Variants in INTS4 observed in about 807,000 individuals in gnomAD.
INTS4 encodes integrator complex subunit 4, also known as MSTP093.
A neutral mutation model predicts 119.5 loss-of-function variants in INTS4; 70 were observed. The observed-to-expected ratio is 0.59, with a 90% CI of 0.48 to 0.71. The LOEUF is 0.71. Ranked by LOEUF, INTS4 falls within the 30% of genes least tolerant of loss-of-function variation. The pLI is 0.00. For missense variants in INTS4, 867 were observed against 1,173.2 expected, an observed-to-expected ratio of 0.74 and a Z score of 3.81; for synonymous variants, 316 against 419.6, an observed-to-expected ratio of 0.75 and a Z score of 3.02.
chr11:77,907,577 A>G, intron 16 of INTS4, 140 bp downstream of exon 16: 1 of 573,440 alleles, frequency 1.7e-6, no homozygotes, highest in Non-Finnish European at 3.1e-6. Context: ...ATGTAATCAC[A>G]CTGCAGAGTA....
chr11:77,896,842 T>C (rs1952546119), intron 18 of INTS4, among the ~76,000 whole-genome samples: 1 of 148,476 alleles, frequency 6.7e-6, no homozygotes, highest in South Asian at 2.1e-4. Context: ...AAACAGCTGA[T>C]ACTTCAAACT....
intron 10 of INTS4, among the ~76,000 whole-genome samples, chr11:77,933,066 C>T (rs1409876021): frequency 6.6e-6 from 1 of 151,940 alleles, no homozygotes; most frequent in Non-Finnish European, 1.5e-5. Context: ...ATGTAACAAA[C>T]CTGCACGTTC....
chr11:77,945,656 A>G (rs1954031186), intron 8 of INTS4, among the ~76,000 whole-genome samples: 1 of 152,174 alleles, frequency 6.6e-6, no homozygotes, highest in African/African-American at 2.4e-5. Flanking sequence ...CCCCTGTTCC[A>G]TACAACCATC....
chr11:77,987,718 G>GA (rs1856511916), intron 2 of INTS4: 1 of 436,892 alleles, frequency 2.3e-6, no homozygotes, highest in Non-Finnish European at 4.6e-6. Context: ...AAATTAAAAA[G>GA]AAAAAATTAG....
At chr11:77,943,531 T>G (rs192996670) in intron 8 of INTS4, among the ~76,000 whole-genome samples, 2 of 152,220 alleles carry the variant, frequency 1.3e-5, no homozygotes, top group East Asian at 1.9e-4. Flanking sequence ...TACGAAAACA[T>G]AGAGAAACAG....
At chr11:77,883,593 C>T (rs1951876059) in intron 22 of INTS4, among the ~76,000 whole-genome samples, 2 of 152,178 alleles carry the variant, frequency 1.3e-5, no homozygotes, top group South Asian at 2.1e-4. Flanking sequence ...CTATCATAAT[C>T]GCCTGTATAT....
intron 2 of INTS4, among the ~76,000 whole-genome samples, chr11:77,987,982 C>T (rs930109680): frequency 6.6e-6 from 1 of 152,160 alleles, no homozygotes; most frequent in Non-Finnish European, 1.5e-5. Context: ...ATGGTGAAAC[C>T]TCATCTCTAT....
intron 18 of INTS4, among the ~76,000 whole-genome samples, chr11:77,897,420 GAT>G (rs1565230284): frequency 6.6e-6 from 1 of 151,136 alleles, no homozygotes; most frequent in Non-Finnish European, 1.5e-5. Flanking sequence ...AACTTTAAAA[GAT>G]TATATTTATA....
intron 8 of INTS4, among the ~76,000 whole-genome samples, chr11:77,948,691 AAGAAGG>A (rs1460351785): frequency 7.0e-5 from 10 of 143,552 alleles, no homozygotes; most frequent in African/African-American, 1.3e-4. Flanking sequence ...GAAGAAGAAG[AAGAAGG>A]AAAAAATCTT....
At chr11:77,973,577 A>G (rs11237340) in intron 4 of INTS4, among the ~76,000 whole-genome samples, 113,398 of 151,850 alleles carry the variant, frequency 0.75, 42,897 homozygotes, top group African/African-American at 0.86. Flanking sequence ...TTCCATTTAC[A>G]AGGGTCAGGA....
At chr11:77,975,286 A>G (rs1482806958) in intron 4 of INTS4, among the ~76,000 whole-genome samples, 1 of 151,846 alleles carries the variant, frequency 6.6e-6, no homozygotes, top group East Asian at 1.9e-4. Flanking sequence ...TATTTTATTC[A>G]TCTCAAAGTA....
At chr11:77,949,349 G>A (rs1418240603) in intron 8 of INTS4, among the ~76,000 whole-genome samples, 19 of 152,040 alleles carry the variant, frequency 1.2e-4, no homozygotes, top group Middle Eastern at 6.8e-3. Flanking sequence ...CAATGGCAAC[G>A]AAGCCAAAAT....
chr11:77,876,045 C>T (rs1303661506), downstream of INTS4, among the ~76,000 whole-genome samples: 1 of 152,054 alleles, frequency 6.6e-6, no homozygotes, highest in Non-Finnish European at 1.5e-5. Flanking sequence ...CAGATCAGCT[C>T]ATCACTTAAG....
At chr11:77,949,059 T>C (rs1432593106) in intron 8 of INTS4, among the ~76,000 whole-genome samples, 3 of 152,224 alleles carry the variant, frequency 2.0e-5, no homozygotes, top group East Asian at 1.9e-4. Flanking sequence ...CTGTGAGCTA[T>C]GACTGTGCAA....
At chr11:77,950,838 C>T (rs1954173386) in intron 8 of INTS4, among the ~76,000 whole-genome samples, 1 of 151,958 alleles carries the variant, frequency 6.6e-6, no homozygotes, top group African/African-American at 2.4e-5. Context: ...GGTCATTTAA[C>T]ATTAGGTATA....
intron 18 of INTS4, among the ~76,000 whole-genome samples, chr11:77,898,995 G>A (rs755995515): frequency 5.3e-5 from 8 of 152,138 alleles, no homozygotes; most frequent in Non-Finnish European, 1.2e-4. Context: ...ACTCCAGCCT[G>A]GGTGATAGAG....
At chr11:77,954,342 G>T (rs531909956) in intron 8 of INTS4, among the ~76,000 whole-genome samples, 58 of 151,816 alleles carry the variant, frequency 3.8e-4, no homozygotes, top group Non-Finnish European at 7.1e-4. Context: ...TAGAGATGGG[G>T]TCTTGCTGTG....
intron 7 of INTS4, among the ~76,000 whole-genome samples, chr11:77,956,631 T>C (rs1954328543): frequency 2.0e-5 from 3 of 151,650 alleles, no homozygotes; most frequent in African/African-American, 7.3e-5. Flanking sequence ...CGCTTGAACC[T>C]GGAATGTGGA....
intron 22 of INTS4, among the ~76,000 whole-genome samples, chr11:77,882,619 T>A (rs1951836360): frequency 6.6e-6 from 1 of 152,188 alleles, no homozygotes; most frequent in African/African-American, 2.4e-5. Context: ...GATTATGGAA[T>A]GAGGAATACT....
Sources: allele counts gnomAD v4.1 joint callset (sites outside exome capture counted in the v4.1 genomes callset), GRCh38; gene constraint gnomAD v4.1.1; transcripts MANE v1.5; gene names NCBI Gene and HGNC (gene_info 2026-07-23, HGNC 2026-07-21).